Variants in GPR143 observed in about 807,000 individuals in gnomAD.
GPR143 encodes G protein-coupled receptor 143.
Under a neutral mutation model 27.6 loss-of-function variants are expected in GPR143, and 8 were observed. The ratio of observed to expected loss-of-function variants is 0.29; its 90% CI spans 0.17 to 0.52. The LOEUF is 0.52. Among genes scored for constraint, GPR143 ranks in the 20% least tolerant of loss-of-function variants. The probability of loss-of-function intolerance (pLI) is 0.96; values close to 1 mark genes in which losing one functional copy is unlikely to be tolerated. For missense variants in GPR143, 303 were observed against 343.1 expected, an observed-to-expected ratio of 0.88 and a Z score of 0.92; for synonymous variants, 156 against 153.2, an observed-to-expected ratio of 1.02 and a Z score of -0.13.
rs190800655 is a variant in GPR143, at chrX:9,774,304, C to T, written c.-3+11938G>A. 2.1e-3 allele frequency among the ~76,000 whole-genome samples: 242 copies of T among 112,713 alleles called. 1 individual carries two copies. Among genetic ancestry groups the T allele is most frequent in the Non-Finnish European group, 2.0e-3 (107 of 53,306 alleles). On this transcript the variant is annotated intron_variant, in intron 1 of 7. Transcript: ENST00000447366. ...GATTCAGTCCCTTGTGGGCTGTCTCCAAGGCCGTGTAGTTCCTTGTCACAT... is the reference window on the plus strand; with the variant it reads ...GATTCAGTCCCTTGTGGGCTGTCTCTAAGGCCGTGTAGTTCCTTGTCACAT...
At chrX:9,732,055 T>TA (rs1263975370) in intron 8 of GPR143, among the ~76,000 whole-genome samples, 1 of 111,485 alleles carries the variant, frequency 9.0e-6, no homozygotes, top group Non-Finnish European at 1.9e-5. Context: ...AAGATAAGAA[T>TA]AAAAAATTGT....
chrX:9,765,265 T>C (rs2083525077), intron 1 of GPR143, among the ~76,000 whole-genome samples: 1 of 98,766 alleles, frequency 1.0e-5, no homozygotes, highest in African/African-American at 3.8e-5. Context: ...CACCCGGGGA[T>C]TGAGCAGGTC....
chrX:9,760,589 G>C, intron 2 of GPR143, 128 bp downstream of exon 2: 1 of 492,201 alleles, frequency 2.0e-6, no homozygotes, highest in Admixed American at 2.8e-5. Context: ...AGAGGGCTGG[G>C]TTCCTGATCA....
At chrX:9,771,227 TA>T (rs938832741) in intron 1 of GPR143, among the ~76,000 whole-genome samples, 4 of 108,455 alleles carry the variant, frequency 3.7e-5, no homozygotes, top group African/African-American at 1.3e-4. Flanking sequence ...TCTGGCTAAT[TA>T]AAAAAAAAAT....
At chrX:9,734,002 C>T (rs1049940300) in intron 8 of GPR143, among the ~76,000 whole-genome samples, 1 of 106,808 alleles carries the variant, frequency 9.4e-6, no homozygotes, top group African/African-American at 3.5e-5. Context: ...ATCATTTGAA[C>T]CCAGGAGGCA....
At chrX:9,728,812 CA>C (rs58497237) in intron 8 of GPR143, among the ~76,000 whole-genome samples, 6 of 104,864 alleles carry the variant, frequency 5.7e-5, no homozygotes, top group East Asian at 5.8e-4. Context: ...GATCCCACCT[CA>C]AAAAAAAAGG....
At chrX:9,741,538 C>T (rs2083404320) in intron 6 of GPR143, 83 bp from the exon 7 acceptor site, 2 of 538,885 alleles carry the variant, frequency 3.7e-6, no homozygotes, top group Non-Finnish European at 6.8e-6. Flanking sequence ...AGAAGAATTT[C>T]TACCAAGACC....
At chrX:9,759,278 T>C (rs2083485539) in intron 3 of GPR143, 54 bp downstream of exon 3, 2 of 767,469 alleles carry the variant, frequency 2.6e-6, no homozygotes, top group East Asian at 6.8e-5. Flanking sequence ...TGCCATCTCT[T>C]ATCTTCCCTC....
At chrX:9,739,845 C>A in intron 7 of GPR143, 126 bp from the exon 8 acceptor site, 1 of 533,146 alleles carries the variant, frequency 1.9e-6, no homozygotes, top group Non-Finnish European at 3.3e-6. Context: ...TGGAAGGGAC[C>A]ATGGGTTGGC....
At chrX:9,767,360 C>G, upstream of GPR143, among the ~76,000 whole-genome samples, 1 of 110,654 alleles carries the variant, frequency 9.0e-6, no homozygotes, top group East Asian at 2.9e-4. Flanking sequence ...AAATGGGCCC[C>G]TCTCTGGGTT....
intron 3 of GPR143, 35 bp downstream of exon 3, chrX:9,759,297 A>G: frequency 1.1e-6 from 1 of 895,070 alleles, no homozygotes; most frequent in Non-Finnish European, 1.6e-6. Context: ...TCTAAAATAG[A>G]ACTAGGGCAG....
At chrX:9,767,982 A>G (rs1246130295), upstream of GPR143, among the ~76,000 whole-genome samples, 1 of 111,165 alleles carries the variant, frequency 9.0e-6, no homozygotes, top group Non-Finnish European at 1.9e-5. Context: ...TGCCCCAGAA[A>G]ACACACTCCG....
At chrX:9,748,743 C>A (rs371738222) in intron 3 of GPR143, 77 bp from the exon 4 acceptor site, 4 of 675,843 alleles carry the variant, frequency 5.9e-6, no homozygotes, top group Non-Finnish European at 9.6e-6. Context: ...CCAGCTCCTG[C>A]GCTCTGGAAA....
intron 8 of GPR143, among the ~76,000 whole-genome samples, chrX:9,727,300 G>A (rs1299206441): frequency 8.8e-6 from 1 of 113,474 alleles, no homozygotes; most frequent in African/African-American, 3.2e-5. Context: ...CCCACCTTCT[G>A]GTAGGGGGAC....
chrX:9,742,102 T>A (rs1272049440), intron 6 of GPR143, among the ~76,000 whole-genome samples: 3 of 112,232 alleles, frequency 2.7e-5, no homozygotes, highest in Non-Finnish European at 5.6e-5. Context: ...ACAGTTTTCA[T>A]GGAGATCAAA....
At chrX:9,746,791 C>T (rs1323943459) in intron 4 of GPR143, among the ~76,000 whole-genome samples, 3 of 108,700 alleles carry the variant, frequency 2.8e-5, no homozygotes, top group African/African-American at 6.7e-5. Context: ...CTCTCAGCTG[C>T]GAAATGCTTA....
chrX:9,770,593 T>C (rs1006513456), upstream of GPR143, among the ~76,000 whole-genome samples: 1 of 110,521 alleles, frequency 9.0e-6, no homozygotes, highest in Non-Finnish European at 1.9e-5. Context: ...CACTGGCAGA[T>C]GTATTGCTCA....
At chrX:9,774,091 C>G (rs2083563580) in intron 1 of GPR143, among the ~76,000 whole-genome samples, 1 of 110,663 alleles carries the variant, frequency 9.0e-6, no homozygotes, top group East Asian at 2.8e-4. Context: ...TCAAGACCAG[C>G]CTGGGCAACA....
Position 9,741,736 on chromosome X carries a change from T to TA in GPR143, c.768-282dup, listed in dbSNP as rs745578064. 2.8e-3 allele frequency among the ~76,000 whole-genome samples: 309 copies of TA among 109,797 alleles called. 1 individual carries two copies. Among genetic ancestry groups the TA allele is most frequent in the Non-Finnish European group, 3.1e-3 (162 of 52,586 alleles). On this transcript the variant is annotated intron_variant, in intron 6 of 8. Transcript: ENST00000467482. ...ATTTGTCTCTACTAAAAATAAAAAA[T>TA]AAAAAAATTAACCAGGTGTGGTGGT...
Sources: gnomAD v4.1 joint callset for allele counts (sites outside exome capture counted in the v4.1 genomes callset) on GRCh38, gnomAD v4.1.1 for gene constraint, MANE v1.5 for transcripts, NCBI Gene and HGNC (gene_info 2026-07-23, HGNC 2026-07-21) for gene names.